WDFY1: variants seen among roughly 807,000 people sequenced by gnomAD.
The protein encoded by WDFY1 is WD repeat and FYVE domain-containing protein 1.
WDFY1 carries 32 observed loss-of-function variants against 56.4 expected under a neutral mutation model. The observed-to-expected ratio is 0.57, with a 90% CI of 0.43 to 0.76. The LOEUF (loss-of-function observed/expected upper bound fraction) is 0.76, where lower values mean the gene tolerates loss of function less well. Among genes scored for constraint, WDFY1 ranks in the 30% least tolerant of loss-of-function variants. The pLI is 0.00. For missense variants in WDFY1, 480 were observed against 545.7 expected, an observed-to-expected ratio of 0.88 and a Z score of 1.20; for synonymous variants, 192 against 197.3, an observed-to-expected ratio of 0.97 and a Z score of 0.23.
chr2:223,943,184 TAAAA>T (rs11311599), intron 1 of WDFY1, among the ~76,000 whole-genome samples: 7 of 137,182 alleles, frequency 5.1e-5, no homozygotes, highest in African/African-American at 8.3e-5. Flanking sequence ...GCCTCCATCT[TAAAA>T]AAAAAAAAAA....
At chr2:223,918,152 T>C (rs1693821587) in intron 1 of WDFY1, 142 bp from the exon 2 acceptor site, 9 of 695,954 alleles carry the variant, frequency 1.3e-5, no homozygotes, top group South Asian at 1.1e-4. Context: ...TGGACAAATA[T>C]ATACATACAT....
chr2:223,884,829 G>C, intron 8 of WDFY1, 80 bp from the exon 9 acceptor site: 1 of 1,237,558 alleles, frequency 8.1e-7, no homozygotes, highest in Non-Finnish European at 1.2e-6. Flanking sequence ...AACAGTTCTA[G>C]ACCTTGCCAA....
intron 8 of WDFY1, among the ~76,000 whole-genome samples, chr2:223,885,617 T>C (rs1361013931): frequency 6.6e-6 from 1 of 152,186 alleles, no homozygotes; most frequent in Admixed American, 6.5e-5. Context: ...GTTGTCTTTA[T>C]GTATTTCTTT....
At chr2:223,884,044 GCT>G (rs1491278541) in intron 9 of WDFY1, among the ~76,000 whole-genome samples, 1 of 147,856 alleles carries the variant, frequency 6.8e-6, no homozygotes, top group African/African-American at 2.5e-5. Flanking sequence ...TTACTTACCT[GCT>G]TTTTTTTTTT....
At chr2:223,907,365 A>T (rs597580) in intron 3 of WDFY1, among the ~76,000 whole-genome samples, 2 of 152,228 alleles carry the variant, frequency 1.3e-5, no homozygotes, top group South Asian at 2.1e-4. Flanking sequence ...AGCACACAAA[A>T]GAATACAGAT....
At chr2:223,907,365 A>C (rs597580) in intron 3 of WDFY1, among the ~76,000 whole-genome samples, 141,680 of 152,212 alleles carry the variant, frequency 0.93, 66,009 homozygotes, top group South Asian at 0.96. Context: ...AGCACACAAA[A>C]GAATACAGAT....
At chr2:223,937,312 C>T (rs189420764) in intron 1 of WDFY1, among the ~76,000 whole-genome samples, 3 of 152,044 alleles carry the variant, frequency 2.0e-5, no homozygotes, top group East Asian at 1.9e-4. Context: ...ATTACTCTTT[C>T]GTAAGATTAA....
Position 223,925,541 on chromosome 2 carries a change from A to G in WDFY1, c.138-7531T>C, listed in dbSNP as rs368561817. On this transcript the variant is annotated intron_variant, in intron 1 of 11. Coordinates refer to ENST00000233055, the MANE Select transcript of WDFY1 (RefSeq NM_020830.5). ...GATCCATCAGGATGGTTGTTGATGA[A>G]GGTTGGCGTGGCTGTGGCAACTTCT... Among the ~76,000 whole-genome samples the G allele has an allele frequency of 6.6e-5, 10 of 152,310 alleles. No homozygotes were observed. In the East Asian group the frequency reaches 9.6e-4, roughly 15 times the overall value.
chr2:223,926,098 T>G (rs985461736), intron 1 of WDFY1, among the ~76,000 whole-genome samples: 3 of 152,224 alleles, frequency 2.0e-5, no homozygotes, highest in African/African-American at 7.2e-5. Context: ...GTTTTCAACT[T>G]ACTTTGCCCA....
intron 1 of WDFY1, among the ~76,000 whole-genome samples, chr2:223,919,918 G>T (rs995446431): frequency 1.4e-4 from 21 of 152,206 alleles, no homozygotes; most frequent in African/African-American, 5.1e-4. Flanking sequence ...TTCCCAGGAG[G>T]TTCATCCACT....
In WDFY1 at chr2:223,914,613, G is replaced by C. The variant is rs533431548; in HGVS notation, c.206-2287C>G. 3.9e-5 allele frequency among the ~76,000 whole-genome samples: 6 copies of C among 152,308 alleles called. No individual in the cohort carries two copies. In the South Asian group the frequency reaches 8.3e-4, roughly 21 times the overall value. On this transcript the variant is annotated intron_variant, in intron 2 of 11. Transcript: ENST00000233055. ...GTCTGGCCCTTTGCATAAAAAGTTT[G>C]TAGACCTACCCATCACTGTGGTGAG...
At chr2:223,897,351 CATATATATATATATATATATATATAT>C (rs1194128689) in intron 6 of WDFY1, among the ~76,000 whole-genome samples, 1 of 53,670 alleles carries the variant, frequency 1.9e-5, no homozygotes, top group Non-Finnish European at 3.6e-5. Flanking sequence ...CTAAATTTCG[CATATATATATATATATATATATATAT>C]ATATATATAT....
chr2:223,937,601 C>G lies in WDFY1; in HGVS notation c.137+7547G>C, dbSNP rs531774404. Among the ~76,000 whole-genome samples the G allele has an allele frequency of 2.6e-5, 4 of 152,252 alleles. No homozygotes were observed. In the South Asian group the frequency reaches 6.2e-4, roughly 24 times the overall value. ...ACTGTGATACAGTGAGGTTAAATAA[C>G]TTGTCTAAGATCACAGGGCTGGGAT... On this transcript the variant is annotated intron_variant, in intron 1 of 11. Coordinates refer to ENST00000233055, the MANE Select transcript of WDFY1 (RefSeq NM_020830.5).
At chr2:223,906,871 T>C (rs1433220856) in intron 3 of WDFY1, among the ~76,000 whole-genome samples, 2 of 151,954 alleles carry the variant, frequency 1.3e-5, no homozygotes, top group Non-Finnish European at 2.9e-5. Flanking sequence ...AAATTTAAAG[T>C]ACATGTGTTT....
intron 1 of WDFY1, among the ~76,000 whole-genome samples, chr2:223,937,757 C>T (rs1443040293): frequency 6.6e-6 from 1 of 152,210 alleles, no homozygotes; most frequent in Admixed American, 6.5e-5. Flanking sequence ...AGGCTTCCTG[C>T]CTTCTCAAGT....
At chr2:223,880,484 G>A (rs1160663703) in intron 10 of WDFY1, among the ~76,000 whole-genome samples, 1 of 151,872 alleles carries the variant, frequency 6.6e-6, no homozygotes, top group African/African-American at 2.4e-5. Context: ...GCACACGCCT[G>A]TAATCCCAGC....
intron 1 of WDFY1, among the ~76,000 whole-genome samples, chr2:223,926,644 A>ATGTGTGTG (rs1491558984): frequency 8.4e-6 from 1 of 119,280 alleles, no homozygotes; most frequent in Admixed American, 8.2e-5. Context: ...ATATATACAA[A>ATGTGTGTG]TATGTGCGTG....
intron 8 of WDFY1, among the ~76,000 whole-genome samples, chr2:223,893,146 A>C (rs1203129586): frequency 6.6e-6 from 1 of 152,192 alleles, no homozygotes; most frequent in Non-Finnish European, 1.5e-5. Flanking sequence ...CTATTTCCAG[A>C]AATTTGTCTG....
chr2:223,882,203 C>T (rs905295350), intron 9 of WDFY1, 131 bp from the exon 10 acceptor site: 14 of 1,217,898 alleles, frequency 1.1e-5, no homozygotes, highest in East Asian at 3.2e-5. Flanking sequence ...CAACCTCTGG[C>T]GCCCGGGTTC....
Sources: gnomAD v4.1 joint callset for allele counts (sites outside exome capture counted in the v4.1 genomes callset) on GRCh38, gnomAD v4.1.1 for gene constraint, MANE v1.5 for transcripts, NCBI Gene and HGNC (gene_info 2026-07-23, HGNC 2026-07-21) for gene names.